Variants in ZFAT observed in about 807,000 individuals in gnomAD.
The protein encoded by ZFAT is zinc finger protein ZFAT.
ZFAT carries 64 observed loss-of-function variants against 117.7 expected under a neutral mutation model. The observed-to-expected ratio is 0.54, with a 90% CI of 0.44 to 0.67. The LOEUF is 0.67. Among genes scored for constraint, ZFAT ranks in the 30% least tolerant of loss-of-function variants. ZFAT has a pLI of 0.00. For synonymous variants in ZFAT, 679 were observed against 615.0 expected (o/e 1.10, Z -1.54); for missense variants, 1,433 against 1,584.5 (o/e 0.90, Z 1.62).
intron 11 of ZFAT, among the ~76,000 whole-genome samples, chr8:134,541,817 A>C (rs1487601286): frequency 6.6e-6 from 1 of 152,252 alleles, no homozygotes; most frequent in Non-Finnish European, 1.5e-5. Context: ...CTTTCCAAAA[A>C]GATCTCTTAT....
the ZFAT span, among the ~76,000 whole-genome samples, chr8:134,779,376 A>G: frequency 3.3e-5 from 5 of 151,770 alleles, no homozygotes; most frequent in African/African-American, 1.2e-4. Flanking sequence ...CCAAACAGGT[A>G]ACCACAATGT....
At chr8:134,742,914 G>C in the ZFAT span, among the ~76,000 whole-genome samples, 1 of 152,196 alleles carries the variant, frequency 6.6e-6, no homozygotes, top group South Asian at 2.1e-4. Context: ...GCCTCACCCA[G>C]AGGTCTGGGA....
intron 11 of ZFAT, among the ~76,000 whole-genome samples, chr8:134,552,210 CT>C (rs11355252): frequency 0.21 from 31,750 of 151,940 alleles, 3,593 homozygotes; most frequent in East Asian, 0.32. Context: ...TCCTCTGCCC[CT>C]GTCATGGTGC....
intron 2 of ZFAT, among the ~76,000 whole-genome samples, chr8:134,646,155 G>A (rs890775180): frequency 2.6e-5 from 4 of 152,220 alleles, no homozygotes; most frequent in South Asian, 4.2e-4. Context: ...GTTGCAGTGA[G>A]CCGAGATCAC....
chr8:134,806,478 T>A, the ZFAT span, among the ~76,000 whole-genome samples: 1 of 152,186 alleles, frequency 6.6e-6, no homozygotes, highest in Non-Finnish European at 1.5e-5. Flanking sequence ...ACTGAAACTT[T>A]CCAGATTTAA....
chr8:134,709,011 G>A (rs535181519), intron 1 of ZFAT, among the ~76,000 whole-genome samples: 4 of 152,094 alleles, frequency 2.6e-5, no homozygotes, highest in South Asian at 2.1e-4. Context: ...ACTCGGCTGG[G>A]CACAGTGACT....
chr8:134,791,632 T>A, the ZFAT span, among the ~76,000 whole-genome samples: 2 of 152,250 alleles, frequency 1.3e-5, no homozygotes, highest in East Asian at 3.8e-4. Context: ...GTAACCTATA[T>A]AGAAGTTCTT....
chr8:134,736,816 G>A, the ZFAT span, among the ~76,000 whole-genome samples: 1 of 152,018 alleles, frequency 6.6e-6, no homozygotes, highest in South Asian at 2.1e-4. Context: ...AAACTCCTGG[G>A]CTCAACCAAT....
At chr8:134,519,288 G>A (rs926859669) in intron 13 of ZFAT, among the ~76,000 whole-genome samples, 3 of 151,972 alleles carry the variant, frequency 2.0e-5, no homozygotes, top group Non-Finnish European at 2.9e-5. Flanking sequence ...TCAACTCTAG[G>A]TTTATGTCTC....
At chr8:134,527,296 C>T (rs989218511) in intron 12 of ZFAT, among the ~76,000 whole-genome samples, 1 of 152,178 alleles carries the variant, frequency 6.6e-6, no homozygotes, top group Non-Finnish European at 1.5e-5. Context: ...GGACTTCTGG[C>T]CTTCAGAACT....
chr8:134,522,866 C>G (rs1394715404), intron 12 of ZFAT, among the ~76,000 whole-genome samples: 1 of 152,176 alleles, frequency 6.6e-6, no homozygotes, highest in Non-Finnish European at 1.5e-5. Flanking sequence ...CTTCCTCTTT[C>G]AATCTCAGCC....
chr8:134,649,688 T>C (rs1205124142), intron 2 of ZFAT, among the ~76,000 whole-genome samples: 1 of 152,166 alleles, frequency 6.6e-6, no homozygotes, highest in Non-Finnish European at 1.5e-5. Context: ...TACAACACAT[T>C]GTTGAAAGAC....
chr8:134,531,279 T>C (rs1191437219), intron 12 of ZFAT, among the ~76,000 whole-genome samples: 1 of 152,200 alleles, frequency 6.6e-6, no homozygotes, highest in East Asian at 1.9e-4. Context: ...AAACATCTAT[T>C]TCCTGGCAAT....
At chr8:134,814,353 C>A in the ZFAT span, among the ~76,000 whole-genome samples, 1 of 152,212 alleles carries the variant, frequency 6.6e-6, no homozygotes, top group African/African-American at 2.4e-5. Flanking sequence ...ATAAAACCTA[C>A]CTCGCTTAAG....
upstream of ZFAT, among the ~76,000 whole-genome samples, chr8:134,715,681 C>G (rs1027823379): frequency 6.6e-6 from 1 of 152,198 alleles, no homozygotes; most frequent in Non-Finnish European, 1.5e-5. Flanking sequence ...GTGATGGTTC[C>G]TAGAAGAGAG....
chr8:134,725,313 G>A, the ZFAT span, among the ~76,000 whole-genome samples: 380 of 152,200 alleles, frequency 2.5e-3, 2 homozygotes, highest in Non-Finnish European at 4.3e-3. Context: ...TCTGAGACTC[G>A]GCCATTTATA....
At chr8:134,503,941 CACACGA>C (rs1319685176) in intron 15 of ZFAT, among the ~76,000 whole-genome samples, 1 of 142,956 alleles carries the variant, frequency 7.0e-6, no homozygotes, top group Non-Finnish European at 1.6e-5. Context: ...CACGCACACG[CACACGA>C]ACACACACAC....
the ZFAT span, among the ~76,000 whole-genome samples, chr8:134,805,931 C>T: frequency 1.3e-5 from 2 of 151,960 alleles, no homozygotes; most frequent in African/African-American, 4.8e-5. Context: ...GAGCTGAGCT[C>T]ATGCCACTGC....
chr8:134,700,864 T>C (rs1422995580), intron 1 of ZFAT, among the ~76,000 whole-genome samples: 1 of 152,082 alleles, frequency 6.6e-6, no homozygotes, highest in Non-Finnish European at 1.5e-5. Context: ...CAAGCGACCC[T>C]TGTACAAGTG....
Sources: allele counts gnomAD v4.1 joint callset (sites outside exome capture counted in the v4.1 genomes callset), GRCh38; gene constraint gnomAD v4.1.1; transcripts MANE v1.5; gene names NCBI Gene and HGNC (gene_info 2026-07-23, HGNC 2026-07-21).